AGO3: variants seen among roughly 807,000 people sequenced by gnomAD.
AGO3 encodes the protein argonaute RISC catalytic component 3, also known as protein argonaute-3.
A neutral mutation model predicts 105.5 loss-of-function variants in AGO3; 16 were observed. That is an observed-to-expected ratio of 0.15 (90% CI 0.10 to 0.23). The LOEUF is 0.23. Among genes scored for constraint, AGO3 ranks in the 10% least tolerant of loss-of-function variants. The pLI, the probability that AGO3 is intolerant of heterozygous loss-of-function variation, is 1.00. For synonymous variants in AGO3, 340 were observed against 367.3 expected (o/e 0.93, Z 0.85); for missense variants, 534 against 1,088.0 (o/e 0.49, Z 7.16).
At chr1:36,000,086 A>G (rs765251185) in intron 5 of AGO3, among the ~76,000 whole-genome samples, 3 of 152,130 alleles carry the variant, frequency 2.0e-5, no homozygotes, top group African/African-American at 7.2e-5. Context: ...GGAAATGATT[A>G]TATGCTTATT....
intron 5 of AGO3, among the ~76,000 whole-genome samples, chr1:35,988,010 G>A (rs1647280424): frequency 6.6e-6 from 1 of 152,092 alleles, no homozygotes; most frequent in South Asian, 2.1e-4. Context: ...GGAGGTTGCA[G>A]TGAGCCGAGA....
At chr1:35,975,536 A>AT (rs1389059621) in intron 5 of AGO3, among the ~76,000 whole-genome samples, 26 of 150,870 alleles carry the variant, frequency 1.7e-4, no homozygotes, top group African/African-American at 6.4e-4. Context: ...TGGTATTGTG[A>AT]TGTTTTTTTT....
intron 17 of AGO3, among the ~76,000 whole-genome samples, chr1:36,053,209 C>T (rs1384788544): frequency 4.0e-5 from 6 of 150,744 alleles, no homozygotes; most frequent in South Asian, 2.1e-4. Flanking sequence ...AATATTTCTC[C>T]GATATATTTA....
chr1:35,974,116 A>G (rs770198084), intron 5 of AGO3, among the ~76,000 whole-genome samples: 10 of 152,102 alleles, frequency 6.6e-5, no homozygotes, highest in Non-Finnish European at 1.0e-4. Flanking sequence ...TATTACTTCA[A>G]TGTGTACCTC....
chr1:35,967,429 T>C (rs1646794822), intron 3 of AGO3, among the ~76,000 whole-genome samples: 1 of 147,124 alleles, frequency 6.8e-6, no homozygotes, highest in South Asian at 2.1e-4. Context: ...TTTTATTTTA[T>C]TTTGAGACAG....
rs116289340 is a variant in AGO3 at position 35,944,504 on chromosome 1, A to G, written c.20-1188A>G. Reference sequence around the variant, plus strand: ...AGTTAAGCCCTTTTCCTCCTTTTTAAAAGAAATCAGTGTTGCCTAGATTTT... The same window carrying G: ...AGTTAAGCCCTTTTCCTCCTTTTTAGAAGAAATCAGTGTTGCCTAGATTTT... On this transcript the variant is annotated intron_variant, in intron 1 of 18. Transcript: ENST00000373191. Among the ~76,000 whole-genome samples the G allele has an allele frequency of 6.6e-3, 994 of 151,682 alleles. 9 individuals carry two copies. Among genetic ancestry groups the G allele is most frequent in the African/African-American group, 0.021 (867 of 41,334 alleles).
Position 36,067,491 on chromosome 1 carries a change from C to T in AGO3, c.*11746C>T, listed in dbSNP as rs561805715. The T allele has an allele frequency of 1.3e-5, 2 of 152,230 alleles. No homozygotes were observed. The highest frequency in any genetic ancestry group is 2.4e-5 in the African/African-American group (1 of 41,450). The allele number at this position is 152,230 out of a possible 1,614,324, so 9.4% of individuals were successfully genotyped here. A position where few individuals can be genotyped will look rare whatever the true frequency, so the allele number is the denominator to read the frequency against. On this transcript the variant is annotated 3_prime_UTR_variant, in exon 19 of 19. Coordinates refer to ENST00000373191, the MANE Select transcript of AGO3 (RefSeq NM_024852.4). ...TTGGGAGGCCAAGGCAGGTGGATCA[C>T]AAGGTCAGGAGTTTGAGACCAGCGT... is the stretch of plus-strand genomic sequence containing the variant.
intron 12 of AGO3, among the ~76,000 whole-genome samples, chr1:36,029,696 C>CT (rs370133222): frequency 0.14 from 17,168 of 122,916 alleles, 2,395 homozygotes; most frequent in East Asian, 0.68. Context: ...ATGCCCGGCC[C>CT]TTTTTTTTTT....
At chr1:35,972,897 A>G (rs1265144614) in intron 4 of AGO3, among the ~76,000 whole-genome samples, 3 of 123,194 alleles carry the variant, frequency 2.4e-5, no homozygotes, top group African/African-American at 9.2e-5. Context: ...GAATCTCCCT[A>G]TGTTGCCCAG....
At chr1:35,957,303 C>T (rs1646585632) in intron 2 of AGO3, among the ~76,000 whole-genome samples, 1 of 151,998 alleles carries the variant, frequency 6.6e-6, no homozygotes. Flanking sequence ...TTGCAGTGAG[C>T]TGAGATCATA....
At chr1:36,032,259 G>A (rs1420651315) in intron 12 of AGO3, among the ~76,000 whole-genome samples, 1 of 152,188 alleles carries the variant, frequency 6.6e-6, no homozygotes, top group Non-Finnish European at 1.5e-5. Context: ...CCTAATGGGT[G>A]TGAAGTGGTA....
rs990013172 is a variant in AGO3, at chr1:36,055,926, C to A, written c.*181C>A. On this transcript the variant is annotated 3_prime_UTR_variant, in exon 19 of 19. Transcript: ENST00000373191. This position sits in a 1 kb window ranked among gnomAD's most constrained non-coding sequence, Gnocchi z 4.4. ...AGATTGTTTACTTCATCAAGGAACACAGCATCATTATGCAATATGAAACCA... is the reference window on the plus strand; with the variant it reads ...AGATTGTTTACTTCATCAAGGAACAAAGCATCATTATGCAATATGAAACCA... 1.8e-5 allele frequency: 10 copies of A among 565,156 alleles called. No individual in the cohort carries two copies. Among genetic ancestry groups the A allele is most frequent in the African/African-American group, 1.7e-4 (9 of 53,240 alleles). 35.0% of individuals were successfully genotyped at this position (565,156 alleles called of 1,614,324 possible).
chr1:36,048,982 C>G (rs760170316), intron 17 of AGO3, among the ~76,000 whole-genome samples: 1 of 152,230 alleles, frequency 6.6e-6, no homozygotes, highest in African/African-American at 2.4e-5. Context: ...GCTGGGATTA[C>G]TGGCGTGAGC....
chr1:36,055,795 TACA>T lies in AGO3; in HGVS notation c.*53_*55del. The T allele has an allele frequency of 2.5e-6, 4 of 1,585,140 alleles. No individual in the cohort carries two copies. Among genetic ancestry groups the T allele is most frequent in the Non-Finnish European group, 2.6e-6 (3 of 1,155,194 alleles). On this transcript the variant is annotated 3_prime_UTR_variant, in exon 19 of 19. Transcript: ENST00000373191. This position sits in a 1 kb window ranked among gnomAD's most constrained non-coding sequence, Gnocchi z 4.4. Reference sequence around the variant, plus strand: ...GGAAGTACTGAAAGATGAATTGACATACAACGTATGTTTCCAGTGAAGTCAATT... The same window carrying T: ...GGAAGTACTGAAAGATGAATTGACATACGTATGTTTCCAGTGAAGTCAATT...
At chr1:35,953,831 C>A (rs927217642) in intron 2 of AGO3, among the ~76,000 whole-genome samples, 3 of 151,940 alleles carry the variant, frequency 2.0e-5, no homozygotes, top group Admixed American at 6.6e-5. Flanking sequence ...TAAATTGGGT[C>A]ATTTGTCTTT....
At chr1:35,996,445 AAAAGT>A (rs763719954) in intron 5 of AGO3, among the ~76,000 whole-genome samples, 19 of 152,224 alleles carry the variant, frequency 1.2e-4, no homozygotes, top group African/African-American at 2.6e-4. Flanking sequence ...GAAATAGAAA[AAAAGT>A]AGTAGTAAAA....
chr1:36,063,634 T>C lies in AGO3; in HGVS notation c.*7889T>C, dbSNP rs1031489519. On this transcript the variant is annotated 3_prime_UTR_variant, in exon 19 of 19. Coordinates refer to ENST00000373191, the MANE Select transcript of AGO3 (RefSeq NM_024852.4). The stretch of plus-strand genomic sequence containing the variant: ...TTAAGTGGCTAGGGAGAGCCAGGTA[T>C]AAAGACTGATTAATAGAGTACTTCA... 6 of 152,176 alleles carry C rather than the reference T, an allele frequency of 3.9e-5. No homozygotes were observed. Among genetic ancestry groups the C allele is most frequent in the African/African-American group, 1.4e-4 (6 of 41,440 alleles). 9.4% of individuals were successfully genotyped at this position (152,176 alleles called of 1,614,324 possible).
intron 1 of AGO3, among the ~76,000 whole-genome samples, chr1:35,944,132 A>G (rs995800811): frequency 4.6e-5 from 7 of 152,124 alleles, no homozygotes; most frequent in Admixed American, 2.6e-4. Context: ...TCACATGGCA[A>G]TTCTGTTTTT....
Position 35,939,210 on chromosome 1 carries a change from A to G in AGO3, c.20-6482A>G, listed in dbSNP as rs115839564. ...TAATTTACATTATTATGTAATGTAAATATTTCATAATATTCTGGATATTAT... is the reference window on the plus strand; with the variant it reads ...TAATTTACATTATTATGTAATGTAAGTATTTCATAATATTCTGGATATTAT... On this transcript the variant is annotated intron_variant, in intron 1 of 18. Coordinates refer to ENST00000373191, the MANE Select transcript of AGO3 (RefSeq NM_024852.4). Among the ~76,000 whole-genome samples, 1,022 of 152,192 alleles carry G rather than the reference A, an allele frequency of 6.7e-3. 11 individuals carry two copies. The highest frequency in any genetic ancestry group is 0.023 in the African/African-American group (970 of 41,528).
Sources: allele counts gnomAD v4.1 joint callset (sites outside exome capture counted in the v4.1 genomes callset), GRCh38; gene constraint gnomAD v4.1.1; non-coding constraint Gnocchi (gnomAD v3.1); transcripts MANE v1.5; gene names NCBI Gene and HGNC (gene_info 2026-07-23, HGNC 2026-07-21).